The following NFIC variants were observed in gnomAD, a reference collection of about 807,000 sequenced individuals.
NFIC encodes the protein nuclear factor I C.
In NFIC, 12 loss-of-function variants were observed where a neutral mutation model predicts 54.4. That is an observed-to-expected ratio of 0.22 (90% CI 0.14 to 0.36). The LOEUF (loss-of-function observed/expected upper bound fraction) is 0.36. Among genes scored for constraint, NFIC ranks in the 10% least tolerant of loss-of-function variants. The pLI, the probability that NFIC is intolerant of heterozygous loss-of-function variation, is 1.00. For missense variants in NFIC, 575 were observed against 718.2 expected (o/e 0.80, Z 2.28); for synonymous variants, 322 against 319.2 (o/e 1.01, Z -0.09).
At chr19:3,445,271 G>A (rs1045516607) in intron 6 of NFIC, among the ~76,000 whole-genome samples, 12 of 152,100 alleles carry the variant, frequency 7.9e-5, no homozygotes, top group African/African-American at 1.7e-4. Context: ...TGGCCTCCCC[G>A]GCTCCAGGCC....
At chr19:3,366,534 C>CGGGGGGGGGGGG, upstream of NFIC, 1 of 361,260 alleles carries the variant, frequency 2.8e-6, no homozygotes. Flanking sequence ...GGCCGCGGGG[C>CGGGGGGGGGGGG]GGGGGGGGGG....
intron 3 of NFIC, among the ~76,000 whole-genome samples, chr19:3,431,486 G>A (rs566423536): frequency 4.4e-4 from 63 of 144,630 alleles, no homozygotes; most frequent in African/African-American, 1.5e-3. Context: ...CTCCCGCCTC[G>A]GCCTCCCAAG....
In NFIC at chr19:3,360,842, T is replaced by TG. The variant is rs557719029; in HGVS notation, c.3+1165dup. 2.0e-3 allele frequency among the ~76,000 whole-genome samples: 308 copies of TG among 151,734 alleles called. 2 individuals carry two copies. The highest frequency in any genetic ancestry group is 0.013 in the South Asian group (60 of 4,796). On this transcript the variant is annotated intron_variant, in intron 1 of 9. Transcript: ENST00000395111. ...TGTCCCCGTGTGGGTGTGTGGCGGT[T>TG]GGGGGGGGTCGCCAGGGAGTGGAGA...
At chr19:3,454,326 T>TAA in intron 9 of NFIC, 1 of 955,496 alleles carries the variant, frequency 1.0e-6, no homozygotes, top group African/African-American at 1.8e-5. Context: ...TGTTATCATT[T>TAA]TAAAATCAGG....
Position 3,417,087 on chromosome 19 carries a change from A to T in NFIC, c.563-8019A>T, listed in dbSNP as rs75505904. Reference sequence around the variant, plus strand: ...TTTTTAGTAGAGATGGGGTTTCACCATGTTAGCCAGGATGGTCTCGATCTC... The same window carrying T: ...TTTTTAGTAGAGATGGGGTTTCACCTTGTTAGCCAGGATGGTCTCGATCTC... On this transcript the variant is annotated intron_variant, in intron 2 of 10. Coordinates refer to ENST00000443272, the MANE Select transcript of NFIC (RefSeq NM_001245002.2). Among the ~76,000 whole-genome samples the T allele has an allele frequency of 5.3e-5, 8 of 149,684 alleles. No homozygotes were observed. In the South Asian group the frequency reaches 1.7e-3, roughly 32 times the overall value.
chr19:3,415,063 A>G (rs1468951389), intron 2 of NFIC, among the ~76,000 whole-genome samples: 1 of 151,782 alleles, frequency 6.6e-6, no homozygotes, highest in Non-Finnish European at 1.5e-5. Context: ...TGGTCTGGAA[A>G]TGCTGATCTC....
At chr19:3,427,184 C>T (rs2082040730) in intron 3 of NFIC, among the ~76,000 whole-genome samples, 1 of 152,036 alleles carries the variant, frequency 6.6e-6, no homozygotes, top group Non-Finnish European at 1.5e-5. Flanking sequence ...CCTCGGCCTC[C>T]CAAAGTGCTG....
At chr19:3,379,055 GT>G (rs2081154485) in intron 1 of NFIC, among the ~76,000 whole-genome samples, 1 of 151,438 alleles carries the variant, frequency 6.6e-6, no homozygotes, top group Non-Finnish European at 1.5e-5. Context: ...GTCATTTTTT[GT>G]TTTTTTGTTT....
intron 1 of NFIC, among the ~76,000 whole-genome samples, chr19:3,371,790 G>A (rs2081014997): frequency 2.0e-5 from 3 of 152,016 alleles, no homozygotes. Context: ...TGGGTGACAA[G>A]GACAGTGGTG....
Position 3,371,879 on chromosome 19 carries a change from CTCTCCT to C in NFIC, c.30+5216_30+5221del, listed in dbSNP as rs1437709782. ...TTTCTTTTCTTTCTTTTTTCTTTCTCTCTCCTTCCTTCCTTCCTTCCTTCCTTCCTT... is the reference window on the plus strand; with the variant it reads ...TTTCTTTTCTTTCTTTTTTCTTTCTCTCCTTCCTTCCTTCCTTCCTTCCTT... On this transcript the variant is annotated intron_variant, in intron 1 of 10. Transcript: ENST00000443272. Among the ~76,000 whole-genome samples the C allele has an allele frequency of 3.1e-3, 455 of 147,660 alleles. 5 individuals carry two copies. Among genetic ancestry groups the C allele is most frequent in the African/African-American group, 0.01 (411 of 39,710 alleles).
rs539197197 is a variant in NFIC, at chr19:3,369,362, A to C, written c.30+2696A>C. ...TCTCCCTGTCTCTCTCTATCTCTGC[A>C]TGTGTCTCCTTACTCCTCTCTCTCT... On this transcript the variant is annotated intron_variant, in intron 1 of 10. Transcript: ENST00000443272. The surrounding 1 kb of genome is among the most constrained non-coding windows in gnomAD (Gnocchi z 4.3). Among the ~76,000 whole-genome samples, 1 of 150,680 alleles carries C rather than the reference A, an allele frequency of 6.6e-6. No homozygotes were observed. Among genetic ancestry groups the C allele is most frequent in the South Asian group, 2.1e-4 (1 of 4,760 alleles).
At chr19:3,456,021 T>G (rs549151528) in intron 9 of NFIC, among the ~76,000 whole-genome samples, 1 of 152,266 alleles carries the variant, frequency 6.6e-6, no homozygotes, top group East Asian at 1.9e-4. Flanking sequence ...CCCCCATCCC[T>G]GCTGTAGCCC....
chr19:3,452,358 G>T lies in NFIC; in HGVS notation c.1085-124G>T. 1.0e-5 allele frequency: 13 copies of T among 1,296,952 alleles called. No homozygotes were observed. The highest frequency in any genetic ancestry group is 1.0e-4 in the Admixed American group (5 of 50,184). 80.3% of individuals were successfully genotyped at this position (1,296,952 alleles called of 1,614,324 possible). On this transcript the variant is annotated intron_variant, in intron 7 of 10. Coordinates refer to ENST00000443272, the MANE Select transcript of NFIC (RefSeq NM_001245002.2). This position sits in a 1 kb window ranked among gnomAD's most constrained non-coding sequence, Gnocchi z 5.3. ...GTCAGTGCTGCTGGGTTTTTTTGGT[G>T]GTTATTGTTACTAAACGCACTGAGA... is the stretch of plus-strand genomic sequence containing the variant.
chr19:3,371,531 G>A (rs1025488404), intron 1 of NFIC: 11 of 151,992 alleles, frequency 7.2e-5, no homozygotes, highest in Non-Finnish European at 1.5e-5. Context: ...TTTTGGTTGA[G>A]AGGCGGGACT....
chr19:3,368,863 TG>T (rs2145428281), intron 1 of NFIC, among the ~76,000 whole-genome samples: 1 of 152,108 alleles, frequency 6.6e-6, no homozygotes, highest in East Asian at 1.9e-4. Context: ...TCTCTCATCT[TG>T]GTCTCTTTTT....
chr19:3,404,975 G>A (rs955265751), intron 2 of NFIC, among the ~76,000 whole-genome samples: 3 of 152,186 alleles, frequency 2.0e-5, no homozygotes, highest in Non-Finnish European at 4.4e-5. Context: ...TGCTGGGGAC[G>A]GTTCCGGGGC....
chr19:3,444,222 C>A (rs891423080), intron 6 of NFIC, among the ~76,000 whole-genome samples: 1 of 150,620 alleles, frequency 6.6e-6, no homozygotes, highest in Non-Finnish European at 1.5e-5. Context: ...GCTGCTCCGT[C>A]GGGGTGATGA....
intron 3 of NFIC, among the ~76,000 whole-genome samples, chr19:3,429,691 C>T (rs930777165): frequency 1.1e-4 from 16 of 152,006 alleles, no homozygotes; most frequent in Non-Finnish European, 1.3e-4. Context: ...CCCTGGGGGC[C>T]GGGAGAGGAA....
chr19:3,451,475 A>G (rs950930664), intron 7 of NFIC, among the ~76,000 whole-genome samples: 2 of 152,008 alleles, frequency 1.3e-5, no homozygotes, highest in African/African-American at 4.8e-5. Context: ...TCTACTAAAA[A>G]TACAAAAAAT....
Sources: allele counts gnomAD v4.1 joint callset (sites outside exome capture counted in the v4.1 genomes callset), GRCh38; gene constraint gnomAD v4.1.1; non-coding constraint Gnocchi (gnomAD v3.1); transcripts MANE v1.5; gene names NCBI Gene and HGNC (gene_info 2026-07-23, HGNC 2026-07-21).